The following SVEP1 variants were observed in gnomAD, a reference collection of about 807,000 sequenced individuals.
The protein encoded by SVEP1 is sushi, von Willebrand factor type A, EGF and pentraxin domain-containing protein 1.
SVEP1 carries 164 observed loss-of-function variants against 367.3 expected under a neutral mutation model. The observed-to-expected ratio is 0.45, with a 90% CI of 0.39 to 0.51. The LOEUF (loss-of-function observed/expected upper bound fraction) is 0.51. Ranked by LOEUF, SVEP1 falls within the 20% of genes least tolerant of loss-of-function variation. The pLI, the probability that SVEP1 is intolerant of heterozygous loss-of-function variation, is 0.00. For missense variants in SVEP1, 4,117 were observed against 4,425.3 expected (o/e 0.93, Z 1.98); for synonymous variants, 1,666 against 1,611.6 (o/e 1.03, Z -0.81).
chr9:110,503,010 C>A, intron 6 of SVEP1, 28 bp downstream of exon 6: 1 of 1,592,782 alleles, frequency 6.3e-7, no homozygotes, highest in South Asian at 1.2e-5. Context: ...ATGAATCACT[C>A]AAGGCATTAC....
chr9:110,506,637 G>A (rs996665346), intron 5 of SVEP1, among the ~76,000 whole-genome samples: 12 of 152,094 alleles, frequency 7.9e-5, no homozygotes, highest in South Asian at 2.1e-4. Context: ...ATCATCTTCC[G>A]TAGTCTCCTC....
intron 3 of SVEP1, among the ~76,000 whole-genome samples, chr9:110,521,273 T>C (rs1829871902): frequency 6.6e-6 from 1 of 152,200 alleles, no homozygotes; most frequent in African/African-American, 2.4e-5. Context: ...CATCTGTACC[T>C]CTGTAGAATG....
chr9:110,434,389 A>G lies in SVEP1; in HGVS notation c.5006T>C (p.Val1669Ala). The G allele has an allele frequency of 6.2e-7, 1 of 1,613,348 alleles. No individual in the cohort carries two copies. The highest frequency in any genetic ancestry group is 8.5e-7 in the Non-Finnish European group (1 of 1,179,688). Residue 1669 changes from valine (V) to alanine (A), a missense_variant, in exon 30 of 48, where the codon GTG (valine) becomes GCG (alanine). This residue lies in a region of SVEP1 where 2,174 missense variants were observed against 2,494.3 expected (regional missense o/e 0.87). Coordinates refer to ENST00000374469, the MANE Select transcript of SVEP1 (RefSeq NM_153366.4). ...CTGTCCTTGATTCAGACAGTACTGC[A>G]CAGGGTTCCCGACCAGCTGGAAGCC... ...DPGFQLVGNP[V>A]QYCLNQGQWT...
intron 8 of SVEP1, among the ~76,000 whole-genome samples, chr9:110,493,496 A>T (rs1829401018): frequency 6.6e-6 from 1 of 152,122 alleles, no homozygotes; most frequent in Admixed American, 6.6e-5. Context: ...GCACTTTGGG[A>T]GGCTAAGGCA....
At chr9:110,542,647 C>T (rs1830165855) in intron 3 of SVEP1, among the ~76,000 whole-genome samples, 1 of 152,054 alleles carries the variant, frequency 6.6e-6, no homozygotes, top group South Asian at 2.1e-4. Context: ...GACTGTAAGT[C>T]CCAAGAAGGT....
At chr9:110,562,211 G>A (rs976557672) in intron 1 of SVEP1, among the ~76,000 whole-genome samples, 1 of 144,130 alleles carries the variant, frequency 6.9e-6, no homozygotes, top group Non-Finnish European at 1.5e-5. Context: ...AGCACATAGG[G>A]AATAAAGAAA....
rs201201604 is a variant in SVEP1, at chr9:110,432,484, G to A, written c.5211C>T (p.Asn1737=). The part of the protein sequence containing the change: ...RMFCTDNGSW[N]GVSPSCLDVD... Reference sequence around the variant, plus strand: ...CACCAAGGCAGGATGGTGAAACGCCGTTCCAGCTCCCATTATCTGTACAGA... The same window carrying A: ...CACCAAGGCAGGATGGTGAAACGCCATTCCAGCTCCCATTATCTGTACAGA... Residue 1737 remains asparagine (N), a synonymous_variant, in exon 31 of 48, where the codon AAC becomes AAT. Transcript: ENST00000374469. 2.2e-4 allele frequency: 357 copies of A among 1,613,000 alleles called. No homozygotes were observed. The Middle Eastern group carries it at 4.3e-3, about 19-fold the overall frequency.
chr9:110,377,220 G>T, intron 45 of SVEP1, 51 bp downstream of exon 45: 3 of 1,552,784 alleles, frequency 1.9e-6, no homozygotes, highest in Non-Finnish European at 2.7e-6. Flanking sequence ...TCAGGTGGGA[G>T]CATCCAGGCA....
At chr9:110,533,337 C>G (rs1180454123) in intron 3 of SVEP1, among the ~76,000 whole-genome samples, 3 of 152,128 alleles carry the variant, frequency 2.0e-5, no homozygotes, top group South Asian at 2.1e-4. Context: ...TTCTCACGAG[C>G]CTACTATTAT....
At chr9:110,423,998 A>G (rs1828214786) in intron 36 of SVEP1, among the ~76,000 whole-genome samples, 1 of 152,238 alleles carries the variant, frequency 6.6e-6, no homozygotes, top group Admixed American at 6.5e-5. Flanking sequence ...GATAAACACT[A>G]TTGTAGGCAA....
At chr9:110,379,305 C>T (rs1827398645) in intron 44 of SVEP1, 42 bp downstream of exon 44, 1 of 1,597,196 alleles carries the variant, frequency 6.3e-7, no homozygotes, top group Non-Finnish European at 8.6e-7. Context: ...ACACATTTCC[C>T]TGCAGTTTCA....
Position 110,468,933 on chromosome 9 carries a change from C to A in SVEP1, c.3160+7G>T. The A allele has an allele frequency of 6.3e-7, 1 of 1,577,896 alleles. No homozygotes were observed. On this transcript the variant is annotated splice_region_variant and intron_variant, in intron 17 of 47. Coordinates refer to ENST00000374469, the MANE Select transcript of SVEP1 (RefSeq NM_153366.4). ...GCTTCTAGTTGAAATGTCCAGTAAG[C>A]CTCTACCTTTACAATCAGAGATGTT...
chr9:110,389,244 A>AATAAACTCAAT (rs887145292), intron 41 of SVEP1, among the ~76,000 whole-genome samples: 1 of 152,134 alleles, frequency 6.6e-6, no homozygotes, highest in Non-Finnish European at 1.5e-5. Context: ...CCAAAATGCT[A>AATAAACTCAAT]ATAAACTCAA....
chr9:110,428,868 C>G (rs538756319), intron 35 of SVEP1, among the ~76,000 whole-genome samples: 4 of 152,026 alleles, frequency 2.6e-5, no homozygotes, highest in African/African-American at 9.7e-5. Flanking sequence ...CTCAAGAGTT[C>G]GAGACTAGTC....
intron 20 of SVEP1, among the ~76,000 whole-genome samples, 157 bp from the exon 21 acceptor site, chr9:110,457,509 G>A (rs1828793803): frequency 6.6e-6 from 1 of 152,166 alleles, no homozygotes; most frequent in Non-Finnish European, 1.5e-5. Context: ...AATAACACTG[G>A]TGCCTGCCAT....
intron 40 of SVEP1, among the ~76,000 whole-genome samples, chr9:110,390,040 A>AGTATATATATATAT: frequency 1.5e-5 from 1 of 65,924 alleles, no homozygotes. Flanking sequence ...TATATATATA[A>AGTATATATATATAT]GTATATATAC....
At position 110,424,124 on chromosome 9, in the gene SVEP1, G is replaced by A. The variant is rs79793397; in HGVS notation, c.5975+3467C>T. 2.1e-4 allele frequency among the ~76,000 whole-genome samples: 32 copies of A among 152,324 alleles called. No homozygotes were observed. The East Asian group carries it at 4.8e-3, about 23-fold the overall frequency. On this transcript the variant is annotated intron_variant, in intron 36 of 47. Coordinates refer to ENST00000374469, the MANE Select transcript of SVEP1 (RefSeq NM_153366.4). ...AAAGTTAAAAATGTGCATCTTCCAT[G>A]ACTGGACAATTCCAACTCTTCGTGT...
chr9:110,398,753 A>G (rs939083097), intron 40 of SVEP1, among the ~76,000 whole-genome samples: 4 of 152,238 alleles, frequency 2.6e-5, no homozygotes, highest in African/African-American at 9.6e-5. Flanking sequence ...AATGCTCATC[A>G]TCACTGGCCA....
intron 36 of SVEP1, among the ~76,000 whole-genome samples, chr9:110,423,168 TAA>T: frequency 0.086 from 8,914 of 103,644 alleles, 741 homozygotes; most frequent in East Asian, 0.31. Context: ...AAAAATAAAG[TAA>T]AAAAAAAAAA....
Sources: gnomAD v4.1 joint callset for allele counts (sites outside exome capture counted in the v4.1 genomes callset) on GRCh38, gnomAD v4.1.1 for gene constraint, gnomAD v4.1.1 regional missense constraint, MANE v1.5 for transcripts, NCBI Gene and HGNC (gene_info 2026-07-23, HGNC 2026-07-21) for gene names.